SNX2: variants seen among roughly 807,000 people sequenced by gnomAD.
SNX2 encodes sorting nexin-2.
SNX2 carries 25 observed loss-of-function variants against 69.9 expected under a neutral mutation model. The observed-to-expected ratio is 0.36, with a 90% CI of 0.26 to 0.50. The LOEUF is 0.50. Among genes scored for constraint, SNX2 ranks in the 20% least tolerant of loss-of-function variants. The probability of loss-of-function intolerance (pLI) is 0.97; values close to 1 mark genes in which losing one functional copy is unlikely to be tolerated. For synonymous variants in SNX2, 229 were observed against 200.4 expected (o/e 1.14, Z -1.20); for missense variants, 551 against 613.3 (o/e 0.90, Z 1.07).
chr5:122,813,993 C>T (rs960023944), intron 7 of SNX2, among the ~76,000 whole-genome samples: 2 of 151,964 alleles, frequency 1.3e-5, no homozygotes, highest in Admixed American at 1.3e-4. Flanking sequence ...AGGCTGGTCT[C>T]GAACTCCTGA....
intron 1 of SNX2, among the ~76,000 whole-genome samples, chr5:122,789,585 C>G (rs1469440715): frequency 1.3e-5 from 2 of 152,092 alleles, no homozygotes; most frequent in Non-Finnish European, 2.9e-5. Flanking sequence ...AGCTCCATGC[C>G]TGGGACTTGC....
intron 14 of SNX2, among the ~76,000 whole-genome samples, 192 bp from the exon 15 acceptor site, chr5:122,829,406 T>C (rs1390583551): frequency 6.6e-6 from 1 of 151,950 alleles, no homozygotes; most frequent in South Asian, 2.1e-4. Flanking sequence ...GGTTTCACCA[T>C]GTTGACCAGG....
At chr5:122,814,239 T>TG (rs1753849497) in intron 7 of SNX2, among the ~76,000 whole-genome samples, 2 of 152,008 alleles carry the variant, frequency 1.3e-5, no homozygotes. Context: ...TTATCTGATA[T>TG]ATTGTGAGAG....
At chr5:122,816,831 G>C in intron 8 of SNX2, 84 bp from the exon 9 acceptor site, 1 of 576,942 alleles carries the variant, frequency 1.7e-6, no homozygotes, top group Non-Finnish European at 3.1e-6. Context: ...GGGGAGGGGG[G>C]AGGAGGGGGG....
chr5:122,802,281 G>A (rs912017152), intron 5 of SNX2, among the ~76,000 whole-genome samples, 157 bp downstream of exon 5: 1 of 152,164 alleles, frequency 6.6e-6, no homozygotes, highest in African/African-American at 2.4e-5. Flanking sequence ...TGAGTGGTTT[G>A]ATATGTAGTG....
At chr5:122,781,047 G>A (rs1752970225) in intron 1 of SNX2, among the ~76,000 whole-genome samples, 1 of 152,156 alleles carries the variant, frequency 6.6e-6, no homozygotes. Context: ...GATTCAAGTT[G>A]ACCACTTTCT....
Position 122,803,492 on chromosome 5 carries a change from T to G in SNX2, c.522T>G (p.Ser174Arg), listed in dbSNP as rs771488440. The G allele has an allele frequency of 2.4e-5, 38 of 1,610,572 alleles. No homozygotes were observed. The highest frequency in any genetic ancestry group is 2.9e-5 in the Non-Finnish European group (34 of 1,179,204). Residue 174 changes from serine (S) to arginine (R), a missense_variant, in exon 6 of 15, where the codon AGT (serine) becomes AGG (arginine). Physicochemically the swap from Ser to Arg is moderately radical, Grantham distance 110 (BLOSUM62 -1). Coordinates refer to ENST00000379516, the MANE Select transcript of SNX2 (RefSeq NM_003100.4). ...TGTAGACATCTCTTTCCATGTTCAG[T>G]AAGAGTGAATTTTCAGTGAAAAGAA... ...VTTKTSLSMFSKSEFSVKRRF... is the reference protein window; with the variant it reads ...VTTKTSLSMFRKSEFSVKRRF...
chr5:122,806,142 G>GCACGCGCACACACACACACACACACA lies in SNX2; in HGVS notation c.644-2132_644-2131insGCGCACACACACACACACACACACAC, dbSNP rs1554063175. Among the ~76,000 whole-genome samples, 376 of 130,640 alleles carry GCACGCGCACACACACACACACACACA rather than the reference G, an allele frequency of 2.9e-3. 3 individuals are homozygous for GCACGCGCACACACACACACACACACA. Among genetic ancestry groups the GCACGCGCACACACACACACACACACA allele is most frequent in the African/African-American group, 0.01 (354 of 34,530 alleles). The allele number at this position is 130,640 out of a possible 152,430, so 85.7% of individuals were successfully genotyped here. On this transcript the variant is annotated intron_variant, in intron 6 of 14. Coordinates refer to ENST00000379516, the MANE Select transcript of SNX2 (RefSeq NM_003100.4). Reference sequence around the variant, plus strand: ...TGTGTATATATATACACACGCGCGCGCACACACACACACACACACACACAC... The same window carrying GCACGCGCACACACACACACACACACA: ...TGTGTATATATATACACACGCGCGCGCACGCGCACACACACACACACACACACACACACACACACACACACACACAC...
At chr5:122,815,539 G>A (rs1753881495) in intron 7 of SNX2, 1 of 157,002 alleles carries the variant, frequency 6.4e-6, no homozygotes, top group African/African-American at 2.4e-5. Context: ...AATTATAGTT[G>A]AGAACATGAC....
intron 11 of SNX2, among the ~76,000 whole-genome samples, chr5:122,819,531 G>T (rs1753968818): frequency 6.6e-6 from 1 of 152,176 alleles, no homozygotes; most frequent in African/African-American, 2.4e-5. Context: ...ATCATAAATT[G>T]TGTTATTGAA....
rs528886239 is a variant in SNX2 at position 122,803,622 on chromosome 5, A to G, written c.643+9A>G. 2 of 1,585,138 alleles carry G rather than the reference A, an allele frequency of 1.3e-6. 1 individual carries two copies. The highest frequency in any genetic ancestry group is 2.3e-5 in the South Asian group (2 of 85,234). On this transcript the variant is annotated intron_variant, in intron 6 of 14. Coordinates refer to ENST00000379516, the MANE Select transcript of SNX2 (RefSeq NM_003100.4). Reference sequence around the variant, plus strand: ...AGAAAAGAGTATAGTAGGTAAGCACAAATTTTTCAAAAATTAATTTTTGTT... The same window carrying G: ...AGAAAAGAGTATAGTAGGTAAGCACGAATTTTTCAAAAATTAATTTTTGTT...
At chr5:122,817,168 G>T (rs1753918313) in intron 9 of SNX2, 112 bp from the exon 10 acceptor site, 1 of 1,189,658 alleles carries the variant, frequency 8.4e-7, no homozygotes, top group Non-Finnish European at 1.2e-6. Context: ...GGCCACCATG[G>T]TTATAAGGTT....
chr5:122,810,264 C>A (rs1186791120), intron 7 of SNX2, among the ~76,000 whole-genome samples: 12 of 150,444 alleles, frequency 8.0e-5, no homozygotes, highest in African/African-American at 3.0e-4. Flanking sequence ...ACAAACACTG[C>A]GGAAGGCCGC....
intron 7 of SNX2, among the ~76,000 whole-genome samples, chr5:122,812,356 G>A (rs967041781): frequency 6.9e-6 from 1 of 145,908 alleles, no homozygotes; most frequent in Non-Finnish European, 1.5e-5. Flanking sequence ...ACCTTTTGCT[G>A]CTTCTCAAAC....
chr5:122,823,380 T>G (rs1216538650), intron 11 of SNX2, among the ~76,000 whole-genome samples: 1 of 152,178 alleles, frequency 6.6e-6, no homozygotes, highest in Non-Finnish European at 1.5e-5. Context: ...AACCTGACTT[T>G]AGTAGTCTTA....
chr5:122,801,045 G>C (rs1206687763), intron 3 of SNX2, among the ~76,000 whole-genome samples: 1 of 152,086 alleles, frequency 6.6e-6, no homozygotes, highest in Admixed American at 6.6e-5. Context: ...GTGTTTATTA[G>C]ATAATTAGAG....
At chr5:122,826,281 T>C in intron 12 of SNX2, 88 bp downstream of exon 12, 2 of 1,110,322 alleles carry the variant, frequency 1.8e-6, no homozygotes, top group Non-Finnish European at 2.5e-6. Flanking sequence ...TTGTAAACCA[T>C]TCAACACGTA....
intron 3 of SNX2, among the ~76,000 whole-genome samples, chr5:122,801,663 G>GTGTGTGTGTA (rs1393594480): frequency 6.7e-6 from 1 of 150,080 alleles, no homozygotes; most frequent in African/African-American, 2.5e-5. Flanking sequence ...GTGTGTGTGT[G>GTGTGTGTGTA]TGTGTGTGTG....
chr5:122,823,560 G>A (rs966273523), intron 11 of SNX2, among the ~76,000 whole-genome samples: 1 of 152,252 alleles, frequency 6.6e-6, no homozygotes, highest in Non-Finnish European at 1.5e-5. Flanking sequence ...TAAAGGGCAT[G>A]TTCATTAGCT....
Sources: gnomAD v4.1 joint callset for allele counts (sites outside exome capture counted in the v4.1 genomes callset) on GRCh38, gnomAD v4.1.1 for gene constraint, MANE v1.5 for transcripts, NCBI Gene and HGNC (gene_info 2026-07-23, HGNC 2026-07-21) for gene names.